ZNF596: variants seen among roughly 807,000 people sequenced by gnomAD.
The protein encoded by ZNF596 is zinc finger protein 596.
ZNF596 carries 45 observed loss-of-function variants against 48.3 expected under a neutral mutation model. The observed-to-expected ratio is 0.93, with a 90% CI of 0.73 to 1.19. The LOEUF (loss-of-function observed/expected upper bound fraction) is 1.19. ZNF596 is among the 50% of genes most tolerant of loss of function. The pLI, the probability that ZNF596 is intolerant of heterozygous loss-of-function variation, is 0.00. For synonymous variants in ZNF596, 270 were observed against 202.0 expected, an observed-to-expected ratio of 1.34 and a Z score of -2.85; for missense variants, 848 against 599.7, an observed-to-expected ratio of 1.41 and a Z score of -4.32.
At chr8:234,642 G>C (rs987828613) in intron 1 of ZNF596, 2 of 152,230 alleles carry the variant, frequency 1.3e-5, no homozygotes, top group East Asian at 3.8e-4. Context: ...CCCGCCTTAA[G>C]TGTTGTTTTT....
intron 1 of ZNF596, among the ~76,000 whole-genome samples, chr8:235,201 G>C (rs1796572677): frequency 1.3e-5 from 2 of 152,158 alleles, no homozygotes; most frequent in South Asian, 4.2e-4. Flanking sequence ...TAACAGGAGG[G>C]AGTTTTATAA....
rs1797051744 is a variant in ZNF596 at position 245,806 on chromosome 8, C to T, written c.959C>T (p.Ser320Phe). The T allele has an allele frequency of 1.9e-6, 3 of 1,614,094 alleles. No homozygotes were observed. The highest frequency in any genetic ancestry group is 8.5e-7 in the Non-Finnish European group (1 of 1,180,006). The change falls in exon 6 of 6, where the codon TCT becomes TTT. Residue 320 changes from serine (S) to phenylalanine (F), a missense_variant. Transcript: ENST00000398612. ...TGTGGGAAGGCTTTCAGTAAATGTT[C>T]TTACCTTAGACAACATGAAAGAACT... Reference protein sequence around the residue: ...LLCGKAFSKCSYLRQHERTHN... With the variant: ...LLCGKAFSKCFYLRQHERTHN...
chr8:245,841 G>C lies in ZNF596; in HGVS notation c.994G>C (p.Glu332Gln), dbSNP rs149728676. 1.5e-5 allele frequency: 24 copies of C among 1,614,072 alleles called. No homozygotes were observed. In the East Asian group the frequency reaches 4.7e-4, roughly 31 times the overall value. The change falls in exon 6 of 6, where the codon GAG becomes CAG. Residue 332 changes from glutamate (E) to glutamine (Q), a missense_variant. By Grantham distance (29) the Glu-to-Gln change is conservative. Coordinates refer to ENST00000398612, the MANE Select transcript of ZNF596 (RefSeq NM_001042416.3). ...LRQHERTHNG[E>Q]KPYECHLCGK... ...ACAACATGAAAGAACTCACAATGGA[G>C]AGAAACCATATGAATGTCATCTATG...
In ZNF596 at chr8:246,625, T is replaced by C. The variant is rs1797101483; in HGVS notation, c.*263T>C. ...AGTCTTCATCCACAGCTCTGTTAAA[T>C]AAATGGGAGAAATCACATCACGAAA... is the stretch of plus-strand genomic sequence containing the variant. On this transcript the variant is annotated 3_prime_UTR_variant, in exon 6 of 6. Transcript: ENST00000398612. The C allele has an allele frequency of 5.9e-6, 2 of 338,224 alleles. No homozygotes were observed. The highest frequency in any genetic ancestry group is 8.1e-5 in the South Asian group (1 of 12,296). 21.0% of individuals were successfully genotyped at this position (338,224 alleles called of 1,614,324 possible). A position where few individuals can be genotyped will look rare whatever the true frequency, so the allele number is the denominator to read the frequency against.
At position 245,789 on chromosome 8, in the gene ZNF596, G is replaced by C. The variant is rs745651785; in HGVS notation, c.942G>C (p.Lys314Asn). Residue 314 changes from lysine to asparagine, a missense_variant, in exon 6 of 6, where the codon AAG becomes AAC. By Grantham distance (94) the Lys-to-Asn change is moderately conservative (BLOSUM62 0). Transcript: ENST00000398612. ...CATATGGATGTCTCCTATGTGGGAA[G>C]GCTTTCAGTAAATGTTCTTACCTTA... ...DKPYGCLLCG[K>N]AFSKCSYLRQ... 4 of 1,613,412 alleles carry C rather than the reference G, an allele frequency of 2.5e-6. No homozygotes were observed. The highest frequency in any genetic ancestry group is 1.1e-5 in the South Asian group (1 of 91,036).
At chr8:240,953 C>T in intron 2 of ZNF596, 46 bp downstream of exon 2, 7 of 1,611,838 alleles carry the variant, frequency 4.3e-6, no homozygotes, top group Non-Finnish European at 5.9e-6. Flanking sequence ...ACCCCTGTTA[C>T]CAGCCTAAGG....
chr8:232,172 C>G (rs1423882680), upstream of ZNF596: 2 of 152,534 alleles, frequency 1.3e-5, no homozygotes, highest in Non-Finnish European at 2.9e-5. Flanking sequence ...CACGGCACAC[C>G]GAACGCACTC....
chr8:244,281 T>A (rs1175546134), intron 4 of ZNF596: 2 of 274,012 alleles, frequency 7.3e-6, no homozygotes, highest in African/African-American at 2.3e-5. Context: ...TTTGTAGGTA[T>A]CAATTTTTAT....
intron 2 of ZNF596, among the ~76,000 whole-genome samples, chr8:241,197 A>T (rs1351039745): frequency 2.6e-5 from 4 of 152,186 alleles, no homozygotes; most frequent in African/African-American, 9.7e-5. Flanking sequence ...CGAGCCTCTC[A>T]TGGCCTTGTT....
Position 246,601 on chromosome 8 carries a change from G to C in ZNF596, c.*239G>C, listed in dbSNP as rs1016121790. 3 of 409,482 alleles carry C rather than the reference G, an allele frequency of 7.3e-6. No individual in the cohort carries two copies. Among genetic ancestry groups the C allele is most frequent in the Admixed American group, 4.1e-5 (1 of 24,548 alleles). The allele number at this position is 409,482 out of a possible 1,614,324, so 25.4% of individuals were successfully genotyped here. ...CTATAGATCAAAGGAATGTGGAGGA[G>C]TCTTCATCCACAGCTCTGTTAAATA... is the stretch of plus-strand genomic sequence containing the variant. On this transcript the variant is annotated 3_prime_UTR_variant, in exon 6 of 6. Coordinates refer to ENST00000398612, the MANE Select transcript of ZNF596 (RefSeq NM_001042416.3).
chr8:233,892 G>T (rs1449621374), intron 1 of ZNF596, among the ~76,000 whole-genome samples: 1 of 152,168 alleles, frequency 6.6e-6, no homozygotes, highest in African/African-American at 2.4e-5. Flanking sequence ...GATGTTAAGG[G>T]AAAACTGCCA....
Position 246,254 on chromosome 8 carries a change from C to T in ZNF596, c.1407C>T (p.His469=). ...SYNFRLHRRV[H]TGEKPYVCPL... ...ACTTTAGACTTCATAGAAGAGTTCA[C>T]ACTGGAGAGAAACCATATGTATGTC... Residue 469 remains histidine (H), a synonymous_variant, in exon 6 of 6, where the codon CAC becomes CAT. Coordinates refer to ENST00000398612, the MANE Select transcript of ZNF596 (RefSeq NM_001042416.3). 1.9e-6 allele frequency: 3 copies of T among 1,613,260 alleles called. No individual in the cohort carries two copies. The highest frequency in any genetic ancestry group is 2.5e-6 in the Non-Finnish European group (3 of 1,179,574).
intron 1 of ZNF596, among the ~76,000 whole-genome samples, chr8:239,644 G>A (rs1307013191): frequency 6.6e-6 from 1 of 152,190 alleles, no homozygotes; most frequent in Non-Finnish European, 1.5e-5. Context: ...AGTTTTGGAA[G>A]CATCTTAGGT....
intron 1 of ZNF596, among the ~76,000 whole-genome samples, chr8:238,181 T>C (rs879332309): frequency 6.6e-6 from 1 of 152,166 alleles, no homozygotes; most frequent in Non-Finnish European, 1.5e-5. Context: ...GTGACTCCCA[T>C]ACTCTTGAGC....
At position 244,721 on chromosome 8, in the gene ZNF596, AC is replaced by A; in HGVS notation, c.306+23del. The A allele has an allele frequency of 1.3e-6, 2 of 1,595,560 alleles. No individual in the cohort carries two copies. Among genetic ancestry groups the A allele is most frequent in the Non-Finnish European group, 1.7e-6 (2 of 1,169,490 alleles). ...ACAATGGTAAGCTTTATGGATGCAA[AC>A]CCTGTTCTTACATATAGAAACCTGG... On this transcript the variant is annotated intron_variant, in intron 5 of 5. Coordinates refer to ENST00000398612, the MANE Select transcript of ZNF596 (RefSeq NM_001042416.3).
intron 3 of ZNF596, chr8:243,273 A>G (rs1796927650): frequency 3.0e-6 from 1 of 331,080 alleles, no homozygotes; most frequent in Non-Finnish European, 5.6e-6. Context: ...TAATCTCCCA[A>G]ACTCAGAAAA....
chr8:243,030 T>A lies in ZNF596; in HGVS notation c.139+17T>A. On this transcript the variant is annotated intron_variant, in intron 3 of 5. Transcript: ENST00000398612. Reference sequence around the variant, plus strand: ...TCTCTATTGGTGAGTCTCTTTATATTTATTATGTATGTATATACGGATTCA... The same window carrying A: ...TCTCTATTGGTGAGTCTCTTTATATATATTATGTATGTATATACGGATTCA... The A allele has an allele frequency of 6.2e-7, 1 of 1,602,926 alleles. No individual in the cohort carries two copies. The highest frequency in any genetic ancestry group is 8.5e-7 in the Non-Finnish European group (1 of 1,172,382).
At position 245,796 on chromosome 8, in the gene ZNF596, A is replaced by G; in HGVS notation, c.949A>G (p.Ser317Gly). Residue 317 changes from serine (S) to glycine (G), a missense_variant, in exon 6 of 6, where the codon AGT (serine) becomes GGT (glycine). Ser to Gly is a moderately conservative substitution (Grantham distance 56). Coordinates refer to ENST00000398612, the MANE Select transcript of ZNF596 (RefSeq NM_001042416.3). The part of the protein sequence containing the change: ...YGCLLCGKAF[S>G]KCSYLRQHER... ...ATGTCTCCTATGTGGGAAGGCTTTC[A>G]GTAAATGTTCTTACCTTAGACAACA... 1 of 1,614,178 alleles carries G rather than the reference A, an allele frequency of 6.2e-7. No homozygotes were observed. The highest frequency in any genetic ancestry group is 1.1e-5 in the South Asian group (1 of 91,084).
chr8:234,691 C>G (rs1302376996), intron 1 of ZNF596: 2 of 152,190 alleles, frequency 1.3e-5, no homozygotes, highest in Admixed American at 6.5e-5. Flanking sequence ...ACACATTTCC[C>G]AACTCACCCA....
Sources: gnomAD v4.1 joint callset for allele counts (sites outside exome capture counted in the v4.1 genomes callset) on GRCh38, gnomAD v4.1.1 for gene constraint, MANE v1.5 for transcripts, NCBI Gene and HGNC (gene_info 2026-07-23, HGNC 2026-07-21) for gene names.